CNTNAP5: variants seen among roughly 807,000 people sequenced by gnomAD.
CNTNAP5 encodes contactin-associated protein-like 5.
CNTNAP5 carries 72 observed loss-of-function variants against 150.2 expected under a neutral mutation model. The ratio of observed to expected loss-of-function variants is 0.48; its 90% CI spans 0.40 to 0.58. CNTNAP5 has a LOEUF of 0.58. Ranked by LOEUF, CNTNAP5 falls within the 20% of genes least tolerant of loss-of-function variation. The pLI is 0.00. For missense variants in CNTNAP5, 1,636 were observed against 1,626.2 expected, an observed-to-expected ratio of 1.01 and a Z score of -0.10; for synonymous variants, 672 against 619.8, an observed-to-expected ratio of 1.08 and a Z score of -1.25.
intron 3 of CNTNAP5, among the ~76,000 whole-genome samples, chr2:124,296,398 C>T (rs1043087904): frequency 6.6e-6 from 1 of 152,158 alleles, no homozygotes; most frequent in Non-Finnish European, 1.5e-5. Flanking sequence ...CAGCACACAC[C>T]CTTACAGAGT....
intron 3 of CNTNAP5, among the ~76,000 whole-genome samples, chr2:124,364,794 G>A (rs1690322969): frequency 6.6e-6 from 1 of 152,094 alleles, no homozygotes; most frequent in Non-Finnish European, 1.5e-5. Flanking sequence ...AGTACCAGAG[G>A]AGAAAAAGGA....
intron 1 of CNTNAP5, among the ~76,000 whole-genome samples, chr2:124,079,721 G>T (rs1055987419): frequency 6.6e-6 from 1 of 152,172 alleles, no homozygotes. Flanking sequence ...GCATGCGTGT[G>T]TATGTATACG....
chr2:124,788,390 G>T (rs1681643495), intron 17 of CNTNAP5, among the ~76,000 whole-genome samples: 1 of 152,156 alleles, frequency 6.6e-6, no homozygotes, highest in Admixed American at 6.5e-5. Flanking sequence ...AGCCTATTGT[G>T]TATTCCACAA....
chr2:124,155,075 GTTTTTTTTT>G (rs36194209), intron 1 of CNTNAP5, among the ~76,000 whole-genome samples: 4 of 81,374 alleles, frequency 4.9e-5, no homozygotes, highest in African/African-American at 1.4e-4. Context: ...AACCATTCCC[GTTTTTTTTT>G]TTTTTTTTTT....
At chr2:124,598,965 G>T (rs866548555) in intron 11 of CNTNAP5, among the ~76,000 whole-genome samples, 1 of 151,908 alleles carries the variant, frequency 6.6e-6, no homozygotes, top group Non-Finnish European at 1.5e-5. Context: ...GACCCCTTGC[G>T]CTTCCCAGGT....
intron 19 of CNTNAP5, among the ~76,000 whole-genome samples, chr2:124,824,296 C>T (rs527669854): frequency 9.2e-5 from 14 of 152,208 alleles, no homozygotes; most frequent in South Asian, 4.1e-4. Flanking sequence ...ACCATCTTCG[C>T]ATGTTATTTT....
At chr2:124,312,693 C>T (rs1280736923) in intron 3 of CNTNAP5, among the ~76,000 whole-genome samples, 1 of 152,240 alleles carries the variant, frequency 6.6e-6, no homozygotes, top group Admixed American at 6.5e-5. Context: ...GCCTCAGCCT[C>T]CCGAGTAGCT....
chr2:124,504,572 A>T lies in CNTNAP5; in HGVS notation c.1327+16A>T, dbSNP rs755828459. ...ATCCTCACAGGTACTGTCTGCTGAC[A>T]CTCTGGATCAGCTTCTTGTTTATCC... On this transcript the variant is annotated intron_variant, in intron 8 of 23. Transcript: ENST00000682447. 2.5e-6 allele frequency: 4 copies of T among 1,609,938 alleles called. No individual in the cohort carries two copies. The East Asian group carries it at 8.9e-5, about 36-fold the overall frequency.
At chr2:124,631,691 G>A (rs1677863596) in intron 12 of CNTNAP5, among the ~76,000 whole-genome samples, 1 of 152,104 alleles carries the variant, frequency 6.6e-6, no homozygotes, top group Non-Finnish European at 1.5e-5. Context: ...ATTGCCAAAA[G>A]CAATTACAAC....
intron 1 of CNTNAP5, among the ~76,000 whole-genome samples, chr2:124,163,698 C>T (rs541941641): frequency 1.3e-5 from 2 of 152,090 alleles, no homozygotes; most frequent in Non-Finnish European, 2.9e-5. Context: ...TGTGACAGCC[C>T]TTAAGATTAT....
intron 11 of CNTNAP5, among the ~76,000 whole-genome samples, chr2:124,600,897 A>T (rs1197816774): frequency 6.6e-6 from 1 of 152,224 alleles, no homozygotes; most frequent in East Asian, 1.9e-4. Flanking sequence ...CTTAATTTAC[A>T]TGCAGTGAAA....
chr2:124,807,097 C>A (rs1682097350), intron 19 of CNTNAP5, among the ~76,000 whole-genome samples: 1 of 152,114 alleles, frequency 6.6e-6, no homozygotes, highest in Non-Finnish European at 1.5e-5. Context: ...TAAATACTTA[C>A]ATCTTGAGAT....
chr2:124,702,346 CTTTTTTTTTTTTTT>C (rs71412792), intron 13 of CNTNAP5, among the ~76,000 whole-genome samples: 14 of 52,208 alleles, frequency 2.7e-4, no homozygotes, highest in Non-Finnish European at 3.7e-4. Context: ...ACTATGAACA[CTTTTTTTTTTTTTT>C]TTTTTTTTTT....
intron 3 of CNTNAP5, among the ~76,000 whole-genome samples, chr2:124,325,602 G>T (rs1244693764): frequency 6.6e-6 from 1 of 152,078 alleles, no homozygotes; most frequent in African/African-American, 2.4e-5. Flanking sequence ...AAAAACTTTG[G>T]CTGTGAGCTC....
Position 124,915,383 on chromosome 2 carries a change from G to C in CNTNAP5, c.*1095G>C, listed in dbSNP as rs1392050866. ...AAAATGAAAAAAAAACTGCATGAAA[G>C]AAGAAAAATACCAAACAGAATTCTT... is the stretch of plus-strand genomic sequence containing the variant. On this transcript the variant is annotated 3_prime_UTR_variant, in exon 24 of 24. Coordinates refer to ENST00000682447, the MANE Select transcript of CNTNAP5 (RefSeq NM_001367498.1). 1 of 166,202 alleles carries C rather than the reference G, an allele frequency of 6.0e-6. No homozygotes were observed. Among genetic ancestry groups the C allele is most frequent in the East Asian group, 1.9e-4 (1 of 5,154 alleles). The allele number at this position is 166,202 out of a possible 1,614,324, so 10.3% of individuals were successfully genotyped here.
At chr2:124,503,990 A>G (rs1431172477) in intron 7 of CNTNAP5, among the ~76,000 whole-genome samples, 3 of 152,218 alleles carry the variant, frequency 2.0e-5, no homozygotes, top group Non-Finnish European at 4.4e-5. Flanking sequence ...AGGTATTTAT[A>G]TAATGAGTAA....
intron 11 of CNTNAP5, among the ~76,000 whole-genome samples, chr2:124,571,485 C>G (rs534687176): frequency 7.4e-6 from 1 of 135,044 alleles, no homozygotes; most frequent in South Asian, 2.4e-4. Flanking sequence ...ACAGAGATGT[C>G]TAGGTACATG....
chr2:124,513,720 G>A (rs1314648936), intron 8 of CNTNAP5, among the ~76,000 whole-genome samples: 1 of 152,224 alleles, frequency 6.6e-6, no homozygotes, highest in Non-Finnish European at 1.5e-5. Context: ...ACCCAGGAAT[G>A]AGTTATACTC....
At chr2:124,846,395 T>C (rs1474947380) in intron 19 of CNTNAP5, among the ~76,000 whole-genome samples, 1 of 152,214 alleles carries the variant, frequency 6.6e-6, no homozygotes, top group Non-Finnish European at 1.5e-5. Context: ...TGCATTTCTC[T>C]AAGTGTGTCC....
Sources: gnomAD v4.1 joint callset for allele counts (sites outside exome capture counted in the v4.1 genomes callset) on GRCh38, gnomAD v4.1.1 for gene constraint, MANE v1.5 for transcripts, NCBI Gene and HGNC (gene_info 2026-07-23, HGNC 2026-07-21) for gene names.